Variants in IPCEF1 observed in about 807,000 individuals in gnomAD.
IPCEF1 encodes interactor protein for cytohesin exchange factors 1.
A neutral mutation model predicts 50.9 loss-of-function variants in IPCEF1; 31 were observed. The ratio of observed to expected loss-of-function variants is 0.61; its 90% confidence interval spans 0.46 to 0.82. The LOEUF (loss-of-function observed/expected upper bound fraction) is 0.82. IPCEF1 is among the 40% of genes least tolerant of loss of function. The probability of loss-of-function intolerance (pLI) is 0.00; values close to 1 mark genes in which losing one functional copy is unlikely to be tolerated. For missense variants in IPCEF1, 458 were observed against 514.0 expected (o/e 0.89, Z 1.05); for synonymous variants, 181 against 192.0 (o/e 0.94, Z 0.47).
At chr6:154,177,767 G>A (rs1482204917) in intron 10 of IPCEF1, among the ~76,000 whole-genome samples, 1 of 152,172 alleles carries the variant, frequency 6.6e-6, no homozygotes, top group Admixed American at 6.5e-5. Context: ...AATACCATTT[G>A]AGCCAGCAAT....
rs756494619 is a variant in IPCEF1 at position 154,214,215 on chromosome 6, T to C, written c.451+3A>G. The C allele has an allele frequency of 4.4e-6, 7 of 1,589,552 alleles. No individual in the cohort carries two copies. The highest frequency in any genetic ancestry group is 4.0e-5 in the African/African-American group (3 of 74,454). Reference sequence around the variant, plus strand: ...ATTTTCAGAAATTTAAAATAGAACATACCTTCATCCTTTGTAGTGGATTCC... The same window carrying C: ...ATTTTCAGAAATTTAAAATAGAACACACCTTCATCCTTTGTAGTGGATTCC... On this transcript the variant is annotated splice_donor_region_variant and intron_variant, in intron 8 of 11. Coordinates refer to ENST00000367220, the MANE Select transcript of IPCEF1 (RefSeq NM_001130700.2).
chr6:154,293,998 T>C (rs1256203437), intron 1 of IPCEF1, among the ~76,000 whole-genome samples: 1 of 152,254 alleles, frequency 6.6e-6, no homozygotes, highest in African/African-American at 2.4e-5. Context: ...TTAATCACTG[T>C]AATTTCCTAA....
intron 1 of IPCEF1, among the ~76,000 whole-genome samples, chr6:154,350,357 A>G (rs1338376668): frequency 3.9e-5 from 6 of 152,238 alleles, no homozygotes; most frequent in Non-Finnish European, 8.8e-5. Flanking sequence ...ATCTGGGATC[A>G]CTATCTAGAC....
intron 1 of IPCEF1, among the ~76,000 whole-genome samples, chr6:154,338,878 C>T (rs1311322352): frequency 1.3e-5 from 2 of 152,052 alleles, no homozygotes; most frequent in Non-Finnish European, 2.9e-5. Context: ...GCTGAGACTT[C>T]AGTGAGCCAA....
In IPCEF1 at chr6:154,168,412, C is replaced by T. The variant is rs889571758; in HGVS notation, c.911-299G>A. ...AACTCCAATATTCACATGGGGTGTT[C>T]CCTGCATGCATGTCTCTGTGTCCAA... On this transcript the variant is annotated intron_variant, in intron 10 of 11. Transcript: ENST00000367220. This position sits in a 1 kb window ranked among gnomAD's most constrained non-coding sequence, Gnocchi z 4.1. Among the ~76,000 whole-genome samples, 3 of 151,894 alleles carry T rather than the reference C, an allele frequency of 2.0e-5. No individual in the cohort carries two copies. The highest frequency in any genetic ancestry group is 2.9e-5 in the Non-Finnish European group (2 of 68,010).
chr6:154,332,751 G>A (rs1783701973), intron 1 of IPCEF1, among the ~76,000 whole-genome samples: 1 of 152,178 alleles, frequency 6.6e-6, no homozygotes, highest in African/African-American at 2.4e-5. Context: ...CCTAAGATTA[G>A]TTGTCACTTA....
intron 2 of IPCEF1, among the ~76,000 whole-genome samples, chr6:154,272,641 G>T (rs1441573814): frequency 1.3e-5 from 2 of 152,316 alleles, no homozygotes; most frequent in African/African-American, 2.4e-5. Context: ...TCAAAGAAGA[G>T]ATTTTCCTTC....
At chr6:154,194,705 T>TA (rs1005496247) in intron 10 of IPCEF1, among the ~76,000 whole-genome samples, 1 of 152,186 alleles carries the variant, frequency 6.6e-6, no homozygotes, top group African/African-American at 2.4e-5. Flanking sequence ...AAAGGTAATG[T>TA]AAAATCTAAG....
intron 1 of IPCEF1, among the ~76,000 whole-genome samples, chr6:154,350,182 C>A (rs1379996951): frequency 6.6e-6 from 1 of 152,162 alleles, no homozygotes; most frequent in Non-Finnish European, 1.5e-5. Flanking sequence ...TTGCTGTACA[C>A]TTAAATTGCA....
At chr6:154,221,071 T>G (rs924889980) in intron 7 of IPCEF1, among the ~76,000 whole-genome samples, 186 bp downstream of exon 7, 1 of 152,204 alleles carries the variant, frequency 6.6e-6, no homozygotes, top group African/African-American at 2.4e-5. Context: ...TACATGTAAT[T>G]CTCCAAACCG....
At chr6:154,214,408 G>C in intron 7 of IPCEF1, 132 bp from the exon 8 acceptor site, 1 of 734,748 alleles carries the variant, frequency 1.4e-6, no homozygotes. Context: ...AAGAGCATAA[G>C]TTTGTGCCAT....
At chr6:154,295,473 AACACAC>A (rs72003797) in intron 1 of IPCEF1, among the ~76,000 whole-genome samples, 2 of 151,314 alleles carry the variant, frequency 1.3e-5, no homozygotes, top group African/African-American at 4.9e-5. Flanking sequence ...CCCCACCACC[AACACAC>A]ACACACACCT....
chr6:154,193,880 A>C (rs1776365435), intron 10 of IPCEF1, among the ~76,000 whole-genome samples: 1 of 152,204 alleles, frequency 6.6e-6, no homozygotes, highest in African/African-American at 2.4e-5. Context: ...TACAGACAAA[A>C]AGTGCTCAAA....
At chr6:154,214,401 A>T in intron 7 of IPCEF1, 125 bp from the exon 8 acceptor site, 3 of 761,072 alleles carry the variant, frequency 3.9e-6, no homozygotes, top group Non-Finnish European at 7.2e-6. Flanking sequence ...TTCCAGAAAG[A>T]GCATAAGTTT....
In IPCEF1 at chr6:154,226,221, C is replaced by T. The variant is rs568253002; in HGVS notation, c.247-2978G>A. On this transcript the variant is annotated intron_variant, in intron 5 of 11. Coordinates refer to ENST00000367220, the MANE Select transcript of IPCEF1 (RefSeq NM_001130700.2). ...CATCACTGTACACACATATCCAAAA[C>T]CCATACCTTGTATCACCACTGTCCA... Among the ~76,000 whole-genome samples, 12 of 152,318 alleles carry T rather than the reference C, an allele frequency of 7.9e-5. No individual in the cohort carries two copies. The South Asian group carries it at 1.7e-3, about 21-fold the overall frequency.
At chr6:154,248,847 T>C (rs1048532546) in intron 3 of IPCEF1, among the ~76,000 whole-genome samples, 4 of 152,172 alleles carry the variant, frequency 2.6e-5, no homozygotes, top group Admixed American at 6.5e-5. Flanking sequence ...AACATCCCTT[T>C]ATATGAGTAT....
intron 5 of IPCEF1, among the ~76,000 whole-genome samples, chr6:154,224,193 T>C (rs964546815): frequency 1.3e-5 from 2 of 152,226 alleles, no homozygotes; most frequent in African/African-American, 4.8e-5. Context: ...GAAAATACAA[T>C]CTTAATTTTA....
intron 3 of IPCEF1, among the ~76,000 whole-genome samples, chr6:154,255,986 G>T (rs755646906): frequency 1.3e-5 from 2 of 152,110 alleles, no homozygotes; most frequent in African/African-American, 2.4e-5. Context: ...TTAAAATGAA[G>T]CTATCTTCTA....
chr6:154,306,019 T>G (rs560468252), intron 1 of IPCEF1, among the ~76,000 whole-genome samples: 1 of 152,332 alleles, frequency 6.6e-6, no homozygotes, highest in East Asian at 1.9e-4. Flanking sequence ...GGACTTCACC[T>G]TGCGATCGTG....
Sources: allele counts gnomAD v4.1 joint callset (sites outside exome capture counted in the v4.1 genomes callset), GRCh38; gene constraint gnomAD v4.1.1; non-coding constraint Gnocchi (gnomAD v3.1); transcripts MANE v1.5; gene names NCBI Gene and HGNC (gene_info 2026-07-23, HGNC 2026-07-21).